The following CHRNA7 variants were observed in gnomAD, a reference collection of about 807,000 sequenced individuals.
CHRNA7 encodes the protein neuronal acetylcholine receptor subunit alpha-7.
CHRNA7 carries 17 observed loss-of-function variants against 48.0 expected under a neutral mutation model. That is an observed-to-expected ratio of 0.35 (90% CI 0.24 to 0.53). The LOEUF is 0.53. Ranked by LOEUF, CHRNA7 falls within the 20% of genes least tolerant of loss-of-function variation. The pLI is 0.92. For synonymous variants in CHRNA7, 75 were observed against 242.3 expected (o/e 0.31, Z 6.41); for missense variants, 155 against 577.7 (o/e 0.27, Z 7.50).
At chr15:32,043,571 T>C (rs1021364960) in intron 2 of CHRNA7, among the ~76,000 whole-genome samples, 4 of 152,208 alleles carry the variant, frequency 2.6e-5, no homozygotes, top group Non-Finnish European at 5.9e-5. Flanking sequence ...TAGGAATCCA[T>C]GACTAAGTAA....
intron 2 of CHRNA7, among the ~76,000 whole-genome samples, chr15:32,062,807 A>G (rs2049900715): frequency 6.6e-6 from 1 of 152,178 alleles, no homozygotes. Flanking sequence ...GGTGCTAAAT[A>G]GTCATTTGAT....
At chr15:32,143,044 T>TTG (rs1402744127) in intron 4 of CHRNA7, among the ~76,000 whole-genome samples, 1 of 152,220 alleles carries the variant, frequency 6.6e-6, no homozygotes, top group Admixed American at 6.5e-5. Flanking sequence ...TTGCTTTCTC[T>TTG]TGTGGGCATT....
intron 2 of CHRNA7, among the ~76,000 whole-genome samples, chr15:32,096,659 G>T (rs531586239): frequency 1.3e-4 from 19 of 151,918 alleles, no homozygotes; most frequent in African/African-American, 4.6e-4. Context: ...GAAATAATGT[G>T]ATGGGAGCTC....
chr15:32,042,273 G>A (rs149223386), intron 2 of CHRNA7, among the ~76,000 whole-genome samples: 1 of 152,256 alleles, frequency 6.6e-6, no homozygotes, highest in African/African-American at 2.4e-5. Context: ...AGTGCGATAG[G>A]ATGGCTAGAG....
chr15:32,042,076 T>A (rs976569066), intron 2 of CHRNA7, among the ~76,000 whole-genome samples: 3 of 152,224 alleles, frequency 2.0e-5, no homozygotes, highest in Non-Finnish European at 2.9e-5. Flanking sequence ...AATTTTTTCT[T>A]GATTGGTGGC....
intron 2 of CHRNA7, among the ~76,000 whole-genome samples, chr15:32,084,006 TGAA>T (rs1170037176): frequency 6.6e-6 from 1 of 152,160 alleles, no homozygotes; most frequent in African/African-American, 2.4e-5. Context: ...AATTTTGGGC[TGAA>T]GAAGGGAGAG....
chr15:32,051,029 G>C (rs1279666891), intron 2 of CHRNA7, among the ~76,000 whole-genome samples: 1 of 137,282 alleles, frequency 7.3e-6, no homozygotes, highest in Non-Finnish European at 1.5e-5. Flanking sequence ...AGGAGTACCC[G>C]GCCGTGTGAG....
chr15:32,101,999 C>CT (rs2050581058), intron 3 of CHRNA7: 1 of 152,110 alleles, frequency 6.6e-6, no homozygotes, highest in South Asian at 2.1e-4. Flanking sequence ...ATGAACAAGC[C>CT]TTTTTTTAAA....
intron 3 of CHRNA7, among the ~76,000 whole-genome samples, chr15:32,103,543 A>T (rs978795760): frequency 6.6e-6 from 1 of 152,170 alleles, no homozygotes; most frequent in Non-Finnish European, 1.5e-5. Context: ...CCCTTGAGAT[A>T]TTCCCTTGCA....
At chr15:32,108,587 G>C (rs1285662683) in intron 3 of CHRNA7, among the ~76,000 whole-genome samples, 2 of 152,126 alleles carry the variant, frequency 1.3e-5, no homozygotes, top group African/African-American at 4.8e-5. Context: ...GGGGTTGCTG[G>C]TGGGGCCCCC....
At chr15:32,059,869 A>G (rs2049848489) in intron 2 of CHRNA7, among the ~76,000 whole-genome samples, 1 of 145,474 alleles carries the variant, frequency 6.9e-6, no homozygotes, top group Non-Finnish European at 1.5e-5. Context: ...AGGACATTAC[A>G]GAGGGCTATA....
chr15:32,056,197 G>A lies in CHRNA7; in HGVS notation c.195+25160G>A, dbSNP rs186718846. On this transcript the variant is annotated intron_variant, in intron 2 of 9. Transcript: ENST00000306901. ...TTAGAAATCCTTTCTTCTACATTTA[G>A]TGCTTACAGTGTCATATTTTAAAAG... is the stretch of plus-strand genomic sequence containing the variant. Among the ~76,000 whole-genome samples the A allele has an allele frequency of 1.9e-3, 285 of 152,148 alleles. 2 individuals carry two copies. The highest frequency in any genetic ancestry group is 6.2e-3 in the African/African-American group (257 of 41,498).
At chr15:32,106,934 C>T (rs1021780886) in intron 3 of CHRNA7, among the ~76,000 whole-genome samples, 6 of 152,116 alleles carry the variant, frequency 3.9e-5, no homozygotes, top group African/African-American at 9.7e-5. Context: ...GGAAATGCCA[C>T]GCTTCCTGTT....
chr15:32,069,226 C>T (rs2050015559), intron 2 of CHRNA7, among the ~76,000 whole-genome samples: 1 of 152,144 alleles, frequency 6.6e-6, no homozygotes, highest in South Asian at 2.1e-4. Flanking sequence ...TCCTAAGGGT[C>T]AAGTATCCAG....
intron 2 of CHRNA7, among the ~76,000 whole-genome samples, chr15:32,075,296 T>G (rs1229836959): frequency 6.6e-6 from 1 of 152,224 alleles, no homozygotes; most frequent in East Asian, 1.9e-4. Context: ...AAATTATTCT[T>G]TAAACATTTG....
At chr15:32,094,011 A>G (rs7179082) in intron 2 of CHRNA7, among the ~76,000 whole-genome samples, 150,396 of 152,302 alleles carry the variant, frequency 0.99, 74,289 homozygotes, top group East Asian at 1. Flanking sequence ...TTGGAGCAAC[A>G]TCTCCAATCT....
intron 4 of CHRNA7, among the ~76,000 whole-genome samples, chr15:32,142,280 A>G (rs1252435661): frequency 1.3e-5 from 2 of 152,164 alleles, no homozygotes; most frequent in Non-Finnish European, 2.9e-5. Flanking sequence ...CAACTTGATC[A>G]TGATGGATAA....
intron 4 of CHRNA7, among the ~76,000 whole-genome samples, chr15:32,118,652 A>C (rs1566852709): frequency 6.6e-6 from 1 of 152,014 alleles, no homozygotes; most frequent in Non-Finnish European, 1.5e-5. Context: ...TTGTTCATTC[A>C]CTCAACCAAT....
At position 32,144,975 on chromosome 15, in the gene CHRNA7, G is replaced by A. The variant is rs148602733; in HGVS notation, c.351-8932G>A. Among the ~76,000 whole-genome samples, 35 of 152,274 alleles carry A rather than the reference G, an allele frequency of 2.3e-4. 2 individuals carry two copies. In the East Asian group the frequency reaches 6.2e-3, roughly 27 times the overall value. ...TGTTCCATTGCTGGCAAGGAGCTGCGATCCTTTGGAGAAGAAGGGGTGCTC... is the reference window on the plus strand; with the variant it reads ...TGTTCCATTGCTGGCAAGGAGCTGCAATCCTTTGGAGAAGAAGGGGTGCTC... On this transcript the variant is annotated intron_variant, in intron 4 of 9. Coordinates refer to ENST00000306901, the MANE Select transcript of CHRNA7 (RefSeq NM_000746.6).
Sources: allele counts gnomAD v4.1 joint callset (sites outside exome capture counted in the v4.1 genomes callset), GRCh38; gene constraint gnomAD v4.1.1; transcripts MANE v1.5; gene names NCBI Gene and HGNC (gene_info 2026-07-23, HGNC 2026-07-21).